Variants in SLC12A8 observed in about 807,000 individuals in gnomAD.
The protein encoded by SLC12A8 is solute carrier family 12 member 8.
A neutral mutation model predicts 75.6 loss-of-function variants in SLC12A8; 69 were observed. That is an observed-to-expected ratio of 0.91 (90% CI 0.75 to 1.11). The LOEUF (loss-of-function observed/expected upper bound fraction) is 1.11. Ranked by LOEUF, SLC12A8 falls within the 50% of genes most tolerant of loss-of-function variation. The pLI is 0.00. For missense variants in SLC12A8, 877 were observed against 896.7 expected (o/e 0.98, Z 0.28); for synonymous variants, 365 against 372.8 (o/e 0.98, Z 0.24).
At chr3:125,156,453 C>G (rs552792837) in intron 5 of SLC12A8, among the ~76,000 whole-genome samples, 1 of 152,260 alleles carries the variant, frequency 6.6e-6, no homozygotes, top group South Asian at 2.1e-4. Flanking sequence ...GGATCTTGGA[C>G]CCTTTTAAAT....
intron 5 of SLC12A8, among the ~76,000 whole-genome samples, chr3:125,163,819 G>A (rs1442060561): frequency 6.6e-6 from 1 of 152,194 alleles, no homozygotes; most frequent in East Asian, 1.9e-4. Flanking sequence ...GGATGCAGAG[G>A]GCTGGGGCCG....
intron 10 of SLC12A8, among the ~76,000 whole-genome samples, chr3:125,092,807 G>A (rs1231654829): frequency 1.3e-5 from 2 of 152,202 alleles, no homozygotes; most frequent in African/African-American, 4.8e-5. Flanking sequence ...AGGGCTTTCA[G>A]AGCTATGTCA....
intron 2 of SLC12A8, among the ~76,000 whole-genome samples, chr3:125,203,075 C>T (rs113830447): frequency 0.015 from 1,490 of 99,230 alleles, 38 homozygotes; most frequent in African/African-American, 0.053. Flanking sequence ...GGGACAAGAG[C>T]GAGACTTCAT....
At chr3:125,146,965 T>C (rs1008787495) in intron 5 of SLC12A8, among the ~76,000 whole-genome samples, 2 of 152,164 alleles carry the variant, frequency 1.3e-5, no homozygotes, top group African/African-American at 4.8e-5. Context: ...AATCACTGTG[T>C]GCTCAGGGGT....
intron 10 of SLC12A8, among the ~76,000 whole-genome samples, chr3:125,094,261 TTTTTGATTTCCATCACC>T (rs1190790734): frequency 6.6e-6 from 1 of 152,166 alleles, no homozygotes; most frequent in Non-Finnish European, 1.5e-5. Flanking sequence ...CCTTAGTATG[TTTTTGATTTCCATCACC>T]TACCTCCCGC....
chr3:125,102,332 C>T (rs755023061), intron 10 of SLC12A8, among the ~76,000 whole-genome samples: 20 of 152,160 alleles, frequency 1.3e-4, no homozygotes, highest in Non-Finnish European at 2.5e-4. Flanking sequence ...TGGGTGAAAG[C>T]GGAACGTACA....
intron 10 of SLC12A8, among the ~76,000 whole-genome samples, chr3:125,097,245 T>C (rs551331990): frequency 6.6e-6 from 1 of 152,026 alleles, no homozygotes; most frequent in East Asian, 1.9e-4. Context: ...AAAAATTAGC[T>C]GGGCATGGTG....
intron 5 of SLC12A8, among the ~76,000 whole-genome samples, chr3:125,164,274 C>G (rs1159124940): frequency 6.6e-6 from 1 of 152,218 alleles, no homozygotes; most frequent in Non-Finnish European, 1.5e-5. Context: ...GGGTTTCAAT[C>G]CTGGCTGAGC....
chr3:125,148,078 T>C (rs1489495150), intron 5 of SLC12A8, among the ~76,000 whole-genome samples: 1 of 152,232 alleles, frequency 6.6e-6, no homozygotes, highest in East Asian at 1.9e-4. Flanking sequence ...ACCAATTCTA[T>C]GCAGCAAATT....
At chr3:125,097,528 TTGTGTGTGTGTGTGTGTGTGTGTG>T (rs147038912) in intron 10 of SLC12A8, among the ~76,000 whole-genome samples, 14 of 139,472 alleles carry the variant, frequency 1.0e-4, no homozygotes, top group South Asian at 2.5e-4. Context: ...CTAAAGGGAA[TTGTGTGTGTGTGTGTGTGTGTGTG>T]TGTGTGTGTG....
intron 1 of SLC12A8, among the ~76,000 whole-genome samples, 157 bp from the exon 2 acceptor site, chr3:125,211,551 C>T (rs2107808582): frequency 6.6e-6 from 1 of 152,320 alleles, no homozygotes; most frequent in South Asian, 2.1e-4. Flanking sequence ...GCCGGGTTAC[C>T]TTTTTGGTAC....
In SLC12A8 at chr3:125,144,177, G is replaced by A. The variant is rs185762463; in HGVS notation, c.623-8395C>T. On this transcript the variant is annotated intron_variant, in intron 5 of 13. Coordinates refer to ENST00000469902, the MANE Select transcript of SLC12A8 (RefSeq NM_024628.6). The stretch of plus-strand genomic sequence containing the variant: ...CTCACCTGGGCCCCAGGAAACAAGA[G>A]GCATCTTGGGGTGAGAACAGTGCTG... 3.9e-5 allele frequency among the ~76,000 whole-genome samples: 6 copies of A among 152,300 alleles called. No homozygotes were observed. In the East Asian group the frequency reaches 1.2e-3, roughly 29 times the overall value.
chr3:125,118,349 C>T (rs569065025), intron 8 of SLC12A8, among the ~76,000 whole-genome samples: 40 of 152,154 alleles, frequency 2.6e-4, no homozygotes, highest in Non-Finnish European at 5.1e-4. Context: ...GAAGGCTGGG[C>T]GTGGTGGCTC....
chr3:125,190,858 C>T (rs529880630), intron 2 of SLC12A8, among the ~76,000 whole-genome samples: 1 of 152,358 alleles, frequency 6.6e-6, no homozygotes, highest in East Asian at 1.9e-4. Flanking sequence ...CTCCCAGCCT[C>T]TTTGCAGCTA....
intron 13 of SLC12A8, among the ~76,000 whole-genome samples, chr3:125,086,205 G>C (rs1938458037): frequency 6.6e-6 from 1 of 152,114 alleles, no homozygotes; most frequent in Admixed American, 6.5e-5. Context: ...TCAACCTCCT[G>C]AATAACCATC....
intron 4 of SLC12A8, among the ~76,000 whole-genome samples, chr3:125,183,271 C>T (rs77208953): frequency 3.3e-5 from 5 of 152,210 alleles, no homozygotes; most frequent in South Asian, 4.2e-4. Context: ...GTTTGTTATA[C>T]GTTAAACGTA....
intron 6 of SLC12A8, chr3:125,126,004 A>G (rs7611635): frequency 0.16 from 127,782 of 819,454 alleles, 11,509 homozygotes; most frequent in East Asian, 0.35. Context: ...TTAAACGCCA[A>G]TTCCAGGAAG....
chr3:125,159,500 T>G (rs937868450), intron 5 of SLC12A8, among the ~76,000 whole-genome samples: 1 of 152,348 alleles, frequency 6.6e-6, no homozygotes, highest in South Asian at 2.1e-4. Flanking sequence ...GGTACAGATA[T>G]CAGTCCCAAG....
chr3:125,177,803 A>G lies in SLC12A8; in HGVS notation c.562T>C (p.Phe188Leu). Reference sequence around the variant, plus strand: ...TCCAGTGTGGACACGGCCAGCAGGAACAGCAACAGCAGCTGGAGGCGGATT... The same window carrying G: ...TCCAGTGTGGACACGGCCAGCAGGAGCAGCAACAGCAGCTGGAGGCGGATT... ...WIIRLQLLLLFLLAVSTLDFV... is the reference protein window; with the variant it reads ...WIIRLQLLLLLLLAVSTLDFV... Residue 188 changes from phenylalanine (F) to leucine (L), a missense_variant, in exon 5 of 14, where the codon TTC becomes CTC. Phe to Leu is a conservative substitution (Grantham distance 22). Coordinates refer to ENST00000469902, the MANE Select transcript of SLC12A8 (RefSeq NM_024628.6). 6.2e-7 allele frequency: 1 copy of G among 1,614,218 alleles called. No homozygotes were observed. The highest frequency in any genetic ancestry group is 8.5e-7 in the Non-Finnish European group (1 of 1,180,026).
Sources: gnomAD v4.1 joint callset for allele counts (sites outside exome capture counted in the v4.1 genomes callset) on GRCh38, gnomAD v4.1.1 for gene constraint, MANE v1.5 for transcripts, NCBI Gene and HGNC (gene_info 2026-07-23, HGNC 2026-07-21) for gene names.